SHISA6: variants seen among roughly 807,000 people sequenced by gnomAD.
SHISA6 encodes the protein protein shisa-6.
In SHISA6, 22 loss-of-function variants were observed where a neutral mutation model predicts 47.9. That is an observed-to-expected ratio of 0.46 (90% CI 0.33 to 0.66). SHISA6 has a LOEUF of 0.66. SHISA6 is among the 30% of genes least tolerant of loss of function. The pLI, the probability that SHISA6 is intolerant of heterozygous loss-of-function variation, is 0.02. For synonymous variants in SHISA6, 388 were observed against 337.8 expected (o/e 1.15, Z -1.63); for missense variants, 680 against 764.6 (o/e 0.89, Z 1.30).
chr17:11,376,619 C>T (rs566084062), intron 2 of SHISA6, among the ~76,000 whole-genome samples: 6 of 152,182 alleles, frequency 3.9e-5, no homozygotes, highest in South Asian at 2.1e-4. Flanking sequence ...CCACTGCGCC[C>T]GGCCTGGGGC....
chr17:11,317,749 G>A (rs1331235566), intron 2 of SHISA6, among the ~76,000 whole-genome samples: 3 of 149,740 alleles, frequency 2.0e-5, no homozygotes, highest in Non-Finnish European at 3.0e-5. Context: ...TCTTCTTTCC[G>A]TTTTAAAAAC....
At chr17:11,374,649 G>A (rs1912734515) in intron 2 of SHISA6, among the ~76,000 whole-genome samples, 1 of 151,880 alleles carries the variant, frequency 6.6e-6, no homozygotes, top group Non-Finnish European at 1.5e-5. Flanking sequence ...TTTTTAGGTA[G>A]AGGAATGGAA....
At chr17:11,532,901 T>G (rs1422211102) in intron 3 of SHISA6, among the ~76,000 whole-genome samples, 1 of 152,068 alleles carries the variant, frequency 6.6e-6, no homozygotes, top group Non-Finnish European at 1.5e-5. Context: ...TACCTGGAAA[T>G]AGGCGTGTTG....
intron 3 of SHISA6, among the ~76,000 whole-genome samples, chr17:11,423,843 T>TA (rs5819317): frequency 0.69 from 104,368 of 151,402 alleles, 36,205 homozygotes; most frequent in African/African-American, 0.74. Context: ...AAGATCCTAT[T>TA]AAAAAAAACA....
intron 3 of SHISA6, among the ~76,000 whole-genome samples, chr17:11,448,686 C>T (rs1037073343): frequency 2.6e-5 from 4 of 152,126 alleles, no homozygotes; most frequent in Non-Finnish European, 4.4e-5. Flanking sequence ...ATTAGCCGGG[C>T]GTGGTGGTGA....
intron 2 of SHISA6, among the ~76,000 whole-genome samples, chr17:11,340,550 A>G (rs141089533): frequency 1.8e-4 from 27 of 152,346 alleles, no homozygotes; most frequent in African/African-American, 6.0e-4. Context: ...GCAAGTCACA[A>G]GACTACCCTG....
intron 3 of SHISA6, among the ~76,000 whole-genome samples, chr17:11,485,804 TTG>T (rs1388539007): frequency 6.6e-6 from 1 of 152,054 alleles, no homozygotes; most frequent in Middle Eastern, 3.4e-3. Flanking sequence ...GACTCTGGAT[TTG>T]TGTTTTTCAT....
intron 1 of SHISA6, 94 bp downstream of exon 1, chr17:11,242,154 C>T: frequency 6.8e-7 from 1 of 1,463,926 alleles, no homozygotes; most frequent in Non-Finnish European, 9.2e-7. Flanking sequence ...CATCATCACA[C>T]CTCCCCAGGC....
At chr17:11,525,631 C>CAAAAAAAAAAAAAAAAAAAAAAAAAA (rs548619604) in intron 3 of SHISA6, among the ~76,000 whole-genome samples, 1 of 58,906 alleles carries the variant, frequency 1.7e-5, no homozygotes, top group African/African-American at 6.9e-5. Flanking sequence ...GACTCCGTCT[C>CAAAAAAAAAAAAAAAAAAAAAAAAAA]AAAAAAAAAA....
At chr17:11,462,591 A>G (rs1915718656) in intron 3 of SHISA6, among the ~76,000 whole-genome samples, 1 of 151,950 alleles carries the variant, frequency 6.6e-6, no homozygotes, top group South Asian at 2.1e-4. Context: ...GATAATAAAC[A>G]CAGCTGACAG....
intron 3 of SHISA6, among the ~76,000 whole-genome samples, chr17:11,536,128 T>C (rs959709534): frequency 1.3e-5 from 2 of 152,154 alleles, no homozygotes; most frequent in Non-Finnish European, 2.9e-5. Context: ...AGAGTCAGAA[T>C]TTCTTCCAGT....
chr17:11,276,002 G>A (rs1355672360), intron 2 of SHISA6, among the ~76,000 whole-genome samples: 2 of 151,476 alleles, frequency 1.3e-5, no homozygotes, highest in Non-Finnish European at 2.9e-5. Context: ...TTGAGATGCA[G>A]TCTTGCTGTG....
intron 1 of SHISA6, among the ~76,000 whole-genome samples, chr17:11,253,855 C>T (rs898385908): frequency 2.6e-5 from 4 of 152,266 alleles, no homozygotes; most frequent in Middle Eastern, 3.4e-3. Flanking sequence ...ACAGTCATAA[C>T]CAGCTGGGCC....
At position 11,555,439 on chromosome 17, in the gene SHISA6, G is replaced by A. The variant is rs78046411; in HGVS notation, c.953-301G>A. Among the ~76,000 whole-genome samples, 600 of 152,042 alleles carry A rather than the reference G, an allele frequency of 3.9e-3. 10 individuals carry two copies. Among genetic ancestry groups the A allele is most frequent in the African/African-American group, 0.014 (571 of 41,446 alleles). On this transcript the variant is annotated intron_variant, in intron 4 of 5. Coordinates refer to ENST00000441885, the MANE Select transcript of SHISA6 (RefSeq NM_207386.4). Reference sequence around the variant, plus strand: ...TGCCCCTCAGCTCCATCAGGCTTACGTTTTCAGCAGATAACCCAGAGATGT... The same window carrying A: ...TGCCCCTCAGCTCCATCAGGCTTACATTTTCAGCAGATAACCCAGAGATGT...
At chr17:11,258,985 A>G (rs12940551) in intron 1 of SHISA6, among the ~76,000 whole-genome samples, 13,819 of 152,056 alleles carry the variant, frequency 0.091, 794 homozygotes, top group South Asian at 0.2. Flanking sequence ...GGATGAATGG[A>G]TGGAGAGTTG....
intron 2 of SHISA6, among the ~76,000 whole-genome samples, chr17:11,347,399 C>CTA (rs1295065548): frequency 1.3e-5 from 2 of 152,086 alleles, no homozygotes; most frequent in Non-Finnish European, 2.9e-5. Flanking sequence ...GAATCATTCT[C>CTA]TAGATTACAG....
chr17:11,462,608 GT>G (rs910271964), intron 3 of SHISA6, among the ~76,000 whole-genome samples: 1 of 151,870 alleles, frequency 6.6e-6, no homozygotes, highest in East Asian at 1.9e-4. Flanking sequence ...ACAGTGTGGG[GT>G]TTTTTTTGTT....
chr17:11,335,133 T>C (rs1911275081), intron 2 of SHISA6, among the ~76,000 whole-genome samples: 1 of 152,174 alleles, frequency 6.6e-6, no homozygotes, highest in Non-Finnish European at 1.5e-5. Context: ...GATACAGAGG[T>C]GAATACAGAG....
At chr17:11,276,960 G>A (rs1463886289) in intron 2 of SHISA6, among the ~76,000 whole-genome samples, 2 of 152,102 alleles carry the variant, frequency 1.3e-5, no homozygotes, top group East Asian at 1.9e-4. Flanking sequence ...TTTATTTGTA[G>A]GTATTTGCTA....
Sources: allele counts gnomAD v4.1 joint callset (sites outside exome capture counted in the v4.1 genomes callset), GRCh38; gene constraint gnomAD v4.1.1; transcripts MANE v1.5; gene names NCBI Gene and HGNC (gene_info 2026-07-23, HGNC 2026-07-21).